The following DNM1L variants were observed in gnomAD, a reference collection of about 807,000 sequenced individuals.
The protein encoded by DNM1L is dynamin-1-like protein.
Under a neutral mutation model 92.8 loss-of-function variants are expected in DNM1L, and 33 were observed. The observed-to-expected ratio is 0.36, with a 90% CI of 0.27 to 0.48. DNM1L has a LOEUF of 0.48. DNM1L is among the 20% of genes least tolerant of loss of function. The pLI is 0.99. For missense variants in DNM1L, 485 were observed against 888.8 expected, an observed-to-expected ratio of 0.55 and a Z score of 5.78; for synonymous variants, 284 against 305.0, an observed-to-expected ratio of 0.93 and a Z score of 0.72.
In DNM1L at chr12:32,737,863, A is replaced by T; in HGVS notation, c.1597-2A>T. 6.2e-7 allele frequency: 1 copy of T among 1,613,516 alleles called. No homozygotes were observed. The highest frequency in any genetic ancestry group is 1.3e-5 in the African/African-American group (1 of 74,856). ...TTTCCCCCCTGGATTTTTTGCCTTT[A>T]GTCTTCTAAAGTTCCAAGTGCTTTG... On this transcript the variant is annotated splice_acceptor_variant, in intron 14 of 19. Transcript: ENST00000549701. LOFTEE classifies it high-confidence loss of function.
chr12:32,741,230 T>C (rs1187558946), intron 18 of DNM1L, among the ~76,000 whole-genome samples: 4 of 152,220 alleles, frequency 2.6e-5, no homozygotes, highest in Non-Finnish European at 5.9e-5. Context: ...TCCTAGTGTT[T>C]TACACTGTGG....
intron 14 of DNM1L, chr12:32,737,416 A>T (rs1954967677): frequency 4.3e-6 from 2 of 464,308 alleles, no homozygotes; most frequent in Admixed American, 3.6e-5. Flanking sequence ...CAAGCTTTTT[A>T]AAAAAATTCA....
intron 6 of DNM1L, among the ~76,000 whole-genome samples, chr12:32,716,242 T>TGGGG (rs139854269): frequency 6.8e-6 from 1 of 147,854 alleles, no homozygotes; most frequent in Non-Finnish European, 1.5e-5. Context: ...GAAAATTTGG[T>TGGGG]GGGGGGGGGT....
chr12:32,695,239 T>C (rs1952392117), intron 1 of DNM1L, among the ~76,000 whole-genome samples: 1 of 152,198 alleles, frequency 6.6e-6, no homozygotes, highest in African/African-American at 2.4e-5. Context: ...CAAGCCTCTT[T>C]CAAAAGTCAA....
At chr12:32,717,287 C>G (rs1320840395) in intron 6 of DNM1L, among the ~76,000 whole-genome samples, 2 of 86,392 alleles carry the variant, frequency 2.3e-5, no homozygotes, top group African/African-American at 5.0e-5. Flanking sequence ...TATATATACA[C>G]TATATATTTT....
intron 3 of DNM1L, 27 bp downstream of exon 3, chr12:32,707,440 A>G (rs777922410): frequency 2.0e-6 from 3 of 1,509,388 alleles, no homozygotes; most frequent in Non-Finnish European, 2.7e-6. Context: ...ATAATGAAGA[A>G]ATAATGTTGA....
chr12:32,695,203 A>G (rs567799530), intron 1 of DNM1L, among the ~76,000 whole-genome samples: 2 of 152,336 alleles, frequency 1.3e-5, no homozygotes, highest in South Asian at 4.1e-4. Context: ...TTTTTAGAGT[A>G]TAAAGGCAGA....
intron 2 of DNM1L, chr12:32,706,068 A>G: frequency 2.2e-6 from 1 of 454,204 alleles, no homozygotes. Context: ...AATTTATTTT[A>G]TTTTTATTTT....
chr12:32,703,057 CTT>C (rs781211967), intron 2 of DNM1L, among the ~76,000 whole-genome samples: 26 of 139,748 alleles, frequency 1.9e-4, no homozygotes, highest in Non-Finnish European at 1.5e-4. Flanking sequence ...CTCTCTCTCT[CTT>C]TTTTTTTTTT....
At chr12:32,680,193 T>TA (rs1565964847) in intron 1 of DNM1L, among the ~76,000 whole-genome samples, 2 of 152,348 alleles carry the variant, frequency 1.3e-5, no homozygotes, top group Non-Finnish European at 2.9e-5. Flanking sequence ...GTTTCTCTGG[T>TA]CTTCTCATAG....
chr12:32,689,296 C>G (rs1349329770), intron 1 of DNM1L, among the ~76,000 whole-genome samples: 1 of 152,130 alleles, frequency 6.6e-6, no homozygotes, highest in South Asian at 2.1e-4. Flanking sequence ...CTCCTGAGTT[C>G]AAGTGATTCT....
intron 1 of DNM1L, among the ~76,000 whole-genome samples, chr12:32,682,712 G>C (rs1951857409): frequency 6.6e-6 from 1 of 152,126 alleles, no homozygotes; most frequent in African/African-American, 2.4e-5. Flanking sequence ...AACCATTGCT[G>C]ACCCCTAAAT....
intron 7 of DNM1L, 87 bp from the exon 8 acceptor site, chr12:32,720,575 TTA>T: frequency 6.4e-7 from 1 of 1,561,998 alleles, no homozygotes; most frequent in Admixed American, 1.7e-5. Context: ...CTGTCAGGTA[TTA>T]GAGAACAATG....
chr12:32,731,845 C>T lies in DNM1L; in HGVS notation c.1357-9C>T. The T allele has an allele frequency of 6.2e-7, 1 of 1,603,888 alleles. No homozygotes were observed. Among genetic ancestry groups the T allele is most frequent in the East Asian group, 2.2e-5 (1 of 44,822 alleles). On this transcript the variant is annotated splice_polypyrimidine_tract_variant and intron_variant, in intron 11 of 19. Transcript: ENST00000549701. The surrounding 1 kb of genome is among the most constrained non-coding windows in gnomAD (Gnocchi z 5.1). ...ACAAACACGTTTTTCTTTCATCTAC[C>T]ATTTGTAGGAATTGTTACGATTTCC...
intron 1 of DNM1L, among the ~76,000 whole-genome samples, chr12:32,698,980 A>ATTGC: frequency 6.6e-6 from 1 of 151,978 alleles, no homozygotes; most frequent in Non-Finnish European, 1.5e-5. Context: ...TGATCACGCC[A>ATTGC]TTGCACTCCA....
chr12:32,737,388 A>G (rs1442989676), intron 14 of DNM1L: 2 of 456,034 alleles, frequency 4.4e-6, no homozygotes, highest in Non-Finnish European at 7.6e-6. Context: ...TTAAGCATTT[A>G]TTTAAGCATT....
intron 6 of DNM1L, among the ~76,000 whole-genome samples, chr12:32,718,409 T>A (rs1953648893): frequency 6.6e-6 from 1 of 151,990 alleles, no homozygotes; most frequent in Non-Finnish European, 1.5e-5. Flanking sequence ...TCCAAACTGC[T>A]AGAATTACAG....
At chr12:32,725,894 C>T (rs749461890) in intron 9 of DNM1L, among the ~76,000 whole-genome samples, 6 of 150,368 alleles carry the variant, frequency 4.0e-5, no homozygotes, top group African/African-American at 7.3e-5. Context: ...CGTGAGCCAC[C>T]GCGACTGGCA....
At chr12:32,688,274 G>A (rs1952105483) in intron 1 of DNM1L, among the ~76,000 whole-genome samples, 1 of 152,132 alleles carries the variant, frequency 6.6e-6, no homozygotes, top group African/African-American at 2.4e-5. Context: ...AAGACAGTTG[G>A]GATTTTGATG....
Sources: gnomAD v4.1 joint callset for allele counts (sites outside exome capture counted in the v4.1 genomes callset) on GRCh38, gnomAD v4.1.1 for gene constraint, Gnocchi (gnomAD v3.1) non-coding constraint, MANE v1.5 for transcripts, NCBI Gene and HGNC (gene_info 2026-07-23, HGNC 2026-07-21) for gene names.